Variants in ZNF793 observed in about 807,000 individuals in gnomAD.
ZNF793 encodes zinc finger protein 793.
A neutral mutation model predicts 12.4 loss-of-function variants in ZNF793; 5 were observed. The observed-to-expected ratio is 0.40, with a 90% confidence interval of 0.21 to 0.84. The LOEUF (loss-of-function observed/expected upper bound fraction) is 0.84. Ranked by LOEUF, ZNF793 falls within the 40% of genes least tolerant of loss-of-function variation. ZNF793 has a pLI of 0.35. For synonymous variants in ZNF793, 162 were observed against 172.4 expected (o/e 0.94, Z 0.47); for missense variants, 456 against 495.0 (o/e 0.92, Z 0.75).
At chr19:37,534,096 T>G (rs2042484023) in intron 7 of ZNF793, 1 of 152,364 alleles carries the variant, frequency 6.6e-6, no homozygotes, top group African/African-American at 2.4e-5. Context: ...TGCCCTCCTC[T>G]TCTTTTCTTC....
In ZNF793 at chr19:37,523,392, C is replaced by A. The variant is rs766138308; in HGVS notation, c.-30-18C>A. 3 of 1,597,562 alleles carry A rather than the reference C, an allele frequency of 1.9e-6. No homozygotes were observed. In the Admixed American group the frequency reaches 5.0e-5, roughly 27 times the overall value. On this transcript the variant is annotated intron_variant, in intron 4 of 7. Coordinates refer to ENST00000627814, the MANE Select transcript of ZNF793 (RefSeq NM_001013659.3). ...CTGTTCTCTCTTTCTCCATCTTCTT[C>A]CCCCCACATGTCTACAGGTGTCAGA... is the stretch of plus-strand genomic sequence containing the variant.
chr19:37,518,630 CAAA>C (rs61641247), intron 2 of ZNF793, among the ~76,000 whole-genome samples: 31,736 of 83,998 alleles, frequency 0.38, 4,251 homozygotes, highest in African/African-American at 0.48. Context: ...CCTGTCTCTA[CAAA>C]AAAAAAAAAA....
rs1427096067 is a variant in ZNF793, at chr19:37,540,659, A to C, written c.*2780A>C. The C allele has an allele frequency of 6.6e-6, 1 of 151,950 alleles. No homozygotes were observed. Among genetic ancestry groups the C allele is most frequent in the Non-Finnish European group, 1.5e-5 (1 of 67,970 alleles). The allele number at this position is 151,950 out of a possible 1,614,324, so 9.4% of individuals were successfully genotyped here. A position where few individuals can be genotyped will look rare whatever the true frequency, so the allele number is the denominator to read the frequency against. On this transcript the variant is annotated 3_prime_UTR_variant, in exon 8 of 8. Transcript: ENST00000627814. ...TTGGCTTAGAGATTCCAGTGAAGGCAATAAAAAGAAATGAATTGGTATAAA... is the reference window on the plus strand; with the variant it reads ...TTGGCTTAGAGATTCCAGTGAAGGCCATAAAAAGAAATGAATTGGTATAAA...
At chr19:37,533,637 C>G (rs1177476584) in intron 7 of ZNF793, 1 of 514,700 alleles carries the variant, frequency 1.9e-6, no homozygotes, top group African/African-American at 1.9e-5. Flanking sequence ...CAGAATCTTT[C>G]CCATGCAGGT....
At chr19:37,527,990 G>T (rs1429846442) in intron 5 of ZNF793, among the ~76,000 whole-genome samples, 1 of 151,718 alleles carries the variant, frequency 6.6e-6, no homozygotes, top group African/African-American at 2.4e-5. Flanking sequence ...TTAGCTGGGC[G>T]TGGTGGTGTG....
chr19:37,529,686 T>G (rs561959011), intron 5 of ZNF793, among the ~76,000 whole-genome samples: 1 of 152,124 alleles, frequency 6.6e-6, no homozygotes, highest in African/African-American at 2.4e-5. Context: ...AGAGGTAGGA[T>G]TTTGCCATGT....
intron 5 of ZNF793, among the ~76,000 whole-genome samples, chr19:37,530,229 C>T (rs368742628): frequency 1.7e-3 from 257 of 152,262 alleles, no homozygotes; most frequent in Non-Finnish European, 2.6e-3. Context: ...AATATACAAT[C>T]GGGTTTTATA....
intron 2 of ZNF793, among the ~76,000 whole-genome samples, chr19:37,510,548 G>A (rs2042285901): frequency 6.6e-6 from 1 of 151,016 alleles, no homozygotes. Context: ...GCTGGGTGTG[G>A]TGGCTCACAC....
intron 3 of ZNF793, among the ~76,000 whole-genome samples, 198 bp from the exon 4 acceptor site, chr19:37,522,334 A>C (rs1444937849): frequency 6.6e-6 from 1 of 152,036 alleles, no homozygotes; most frequent in East Asian, 1.9e-4. Context: ...AGTAGCTGGG[A>C]TTACAGGTGC....
intron 5 of ZNF793, among the ~76,000 whole-genome samples, chr19:37,530,888 A>C (rs889266725): frequency 6.6e-6 from 1 of 151,670 alleles, no homozygotes; most frequent in African/African-American, 2.4e-5. Flanking sequence ...TTGTTCCTCT[A>C]TTTCTTCTTT....
rs768259830 is a variant in ZNF793, at chr19:37,537,490, A to C, written c.832A>C (p.Thr278Pro). The change falls in exon 8 of 8, where the codon ACT becomes CCT. Residue 278 changes from threonine (T) to proline (P), a missense_variant. Physicochemically the swap from Thr to Pro is conservative, Grantham distance 38. Transcript: ENST00000627814. ...STLIKHQRIH[T>P]GVRPFECFFC... The stretch of plus-strand genomic sequence containing the variant: ...CCTCATCAAACACCAGAGAATTCAC[A>C]CTGGGGTAAGACCCTTTGAATGTTT... 9 of 1,613,958 alleles carry C rather than the reference A, an allele frequency of 5.6e-6. No individual in the cohort carries two copies. The African/African-American group carries it at 1.2e-4, about 22-fold the overall frequency.
chr19:37,532,389 T>C lies in ZNF793; in HGVS notation c.49T>C (p.Phe17Leu). The part of the protein sequence containing the change: ...PVSFKDVVVG[F>L]TQEEWHRLSP... ...GTCATTCAAAGATGTGGTTGTGGGC[T>C]TCACCCAAGAGGAGTGGCACCGGCT... Residue 17 changes from phenylalanine to leucine, a missense_variant, in exon 6 of 8, where the codon TTC becomes CTC. By Grantham distance (22) the Phe-to-Leu change is conservative. Transcript: ENST00000627814. 1.2e-6 allele frequency: 2 copies of C among 1,614,156 alleles called. No individual in the cohort carries two copies. The highest frequency in any genetic ancestry group is 1.1e-5 in the South Asian group (1 of 91,078).
intron 5 of ZNF793, among the ~76,000 whole-genome samples, chr19:37,526,014 T>C (rs1245029719): frequency 6.6e-6 from 1 of 152,164 alleles, no homozygotes; most frequent in African/African-American, 2.4e-5. Flanking sequence ...CCTCCATCCC[T>C]TCTCAGTTTC....
At chr19:37,520,382 A>G in intron 3 of ZNF793, 70 bp downstream of exon 3, 1 of 152,398 alleles carries the variant, frequency 6.6e-6, no homozygotes, top group Non-Finnish European at 1.5e-5. Context: ...GTCCAGGAGA[A>G]GGGAACTTGG....
intron 2 of ZNF793, among the ~76,000 whole-genome samples, chr19:37,510,724 TCTCA>T (rs1426419192): frequency 3.4e-5 from 5 of 148,390 alleles, no homozygotes; most frequent in Non-Finnish European, 7.5e-5. Context: ...TGAGACAGGG[TCTCA>T]CTCTATTGCC....
chr19:37,529,955 C>T (rs965930855), intron 5 of ZNF793, among the ~76,000 whole-genome samples: 2 of 151,722 alleles, frequency 1.3e-5, no homozygotes, highest in Non-Finnish European at 2.9e-5. Flanking sequence ...TCCCGCCAGC[C>T]TCTGAGTTCC....
chr19:37,532,433 C>T lies in ZNF793; in HGVS notation c.93C>T (p.Ala31=). Residue 31 remains alanine (A), a synonymous_variant, in exon 6 of 8, where the codon GCC becomes GCT. Transcript: ENST00000627814. ...ACCGGCTGAGTCCTGCTCAGAGGGC[C>T]CTGTACCGGGATGTGATGCTGGAAA... is the stretch of plus-strand genomic sequence containing the variant. The part of the protein sequence containing the change: ...EWHRLSPAQR[A]LYRDVMLETY... 2 of 1,613,822 alleles carry T rather than the reference C, an allele frequency of 1.2e-6. No homozygotes were observed. The highest frequency in any genetic ancestry group is 1.7e-4 in the Middle Eastern group (1 of 6,058).
At chr19:37,516,681 C>G (rs2042335105) in intron 2 of ZNF793, among the ~76,000 whole-genome samples, 1 of 151,712 alleles carries the variant, frequency 6.6e-6, no homozygotes, top group Non-Finnish European at 1.5e-5. Context: ...GATTCTTGCT[C>G]TGTCACCCAC....
rs757411746 is a variant in ZNF793 at position 37,537,560 on chromosome 19, A to G, written c.902A>G (p.His301Arg). The change falls in exon 8 of 8, where the codon CAT (histidine) becomes CGT (arginine). Residue 301 changes from histidine to arginine, a missense_variant. By Grantham distance (29) the His-to-Arg change is conservative. Transcript: ENST00000627814. ...ACCCAGAAGTCACACCGCACAGAAC[A>G]TCAGAGAACACACACAGGAGAGAGA... The part of the protein sequence containing the change: ...AFTQKSHRTE[H>R]QRTHTGERPF... 1 of 1,614,102 alleles carries G rather than the reference A, an allele frequency of 6.2e-7. No individual in the cohort carries two copies. Among genetic ancestry groups the G allele is most frequent in the Non-Finnish European group, 8.5e-7 (1 of 1,180,040 alleles).
Sources: allele counts gnomAD v4.1 joint callset (sites outside exome capture counted in the v4.1 genomes callset), GRCh38; gene constraint gnomAD v4.1.1; transcripts MANE v1.5; gene names NCBI Gene and HGNC (gene_info 2026-07-23, HGNC 2026-07-21).